Variants in DLG1 observed in about 807,000 individuals in gnomAD.
DLG1 encodes the protein discs large MAGUK scaffold protein 1, also known as disks large homolog 1.
A neutral mutation model predicts 123.4 loss-of-function variants in DLG1; 42 were observed. That is an observed-to-expected ratio of 0.34 (90% CI 0.27 to 0.44). The LOEUF is 0.44. Among genes scored for constraint, DLG1 ranks in the 20% least tolerant of loss-of-function variants. The pLI is 1.00. For missense variants in DLG1, 942 were observed against 1,082.6 expected (o/e 0.87, Z 1.82); for synonymous variants, 317 against 356.2 (o/e 0.89, Z 1.24).
At chr3:197,194,854 A>T (rs1012557239) in intron 4 of DLG1, among the ~76,000 whole-genome samples, 4 of 152,182 alleles carry the variant, frequency 2.6e-5, no homozygotes, top group African/African-American at 9.6e-5. Flanking sequence ...CCCAATGTTA[A>T]CTGAATCATG....
chr3:197,153,002 T>C (rs1380986782), intron 5 of DLG1, among the ~76,000 whole-genome samples: 1 of 152,176 alleles, frequency 6.6e-6, no homozygotes. Flanking sequence ...ACTTTTACAA[T>C]CTGCATTGTA....
intron 22 of DLG1, among the ~76,000 whole-genome samples, chr3:197,060,633 A>C (rs2049005): frequency 2.6e-5 from 4 of 151,984 alleles, no homozygotes; most frequent in Non-Finnish European, 4.4e-5. Context: ...AAAAACTCAT[A>C]AACTAGCATA....
At chr3:197,196,791 A>T (rs1722750781) in intron 4 of DLG1, among the ~76,000 whole-genome samples, 1 of 152,244 alleles carries the variant, frequency 6.6e-6, no homozygotes, top group Non-Finnish European at 1.5e-5. Flanking sequence ...GATGTTTCAA[A>T]GCTACAGATA....
chr3:197,171,819 C>T (rs1392503447), intron 5 of DLG1, among the ~76,000 whole-genome samples: 1 of 152,094 alleles, frequency 6.6e-6, no homozygotes, highest in Admixed American at 6.6e-5. Flanking sequence ...TTACCAAATG[C>T]AATAATGTGC....
At position 197,138,320 on chromosome 3, in the gene DLG1, G is replaced by C; in HGVS notation, c.785C>G (p.Ala262Gly). ...TACAATAGACCCTGCTTCTTTCAAC[G>C]CTTCAACTGCTTTGCTATGTGTTAC... ...RDVTHSKAVEALKEAGSIVRL... is the reference protein window; with the variant it reads ...RDVTHSKAVEGLKEAGSIVRL... The change falls in exon 9 of 25, where the codon GCG becomes GGG. Residue 262 changes from alanine (A) to glycine (G), a missense_variant. By Grantham distance (60) the Ala-to-Gly change is moderately conservative (BLOSUM62 0). Transcript: ENST00000667157. The C allele has an allele frequency of 1.9e-6, 3 of 1,600,686 alleles. No individual in the cohort carries two copies.
chr3:197,105,327 GCA>G (rs1765759961), intron 13 of DLG1, among the ~76,000 whole-genome samples: 2 of 152,166 alleles, frequency 1.3e-5, no homozygotes, highest in African/African-American at 4.8e-5. Context: ...GCATCATTTT[GCA>G]CACTTTATTT....
At chr3:197,262,960 C>A (rs1054910721) in intron 4 of DLG1, among the ~76,000 whole-genome samples, 31 of 152,162 alleles carry the variant, frequency 2.0e-4, no homozygotes, top group African/African-American at 6.5e-4. Context: ...CTGTTGAGTA[C>A]TCCCTTTTCC....
chr3:197,148,930 A>C (rs2149746015), intron 6 of DLG1, among the ~76,000 whole-genome samples: 1 of 152,360 alleles, frequency 6.6e-6, no homozygotes, highest in Middle Eastern at 3.4e-3. Context: ...TGTCACCAGC[A>C]GAATGTACTG....
chr3:197,230,653 G>C (rs1273711041), intron 4 of DLG1, among the ~76,000 whole-genome samples: 2 of 152,080 alleles, frequency 1.3e-5, no homozygotes, highest in Admixed American at 6.6e-5. Flanking sequence ...ACATGTCACT[G>C]TCCCCAATCC....
chr3:197,065,492 A>G (rs1476352462), intron 21 of DLG1, 44 bp from the exon 22 acceptor site: 1 of 1,482,904 alleles, frequency 6.7e-7, no homozygotes, highest in Admixed American at 2.2e-5. Flanking sequence ...TATTAAAAAA[A>G]AAACCACAAT....
intron 17 of DLG1, among the ~76,000 whole-genome samples, chr3:197,079,201 T>C (rs1299347253): frequency 6.6e-6 from 1 of 152,196 alleles, no homozygotes; most frequent in Non-Finnish European, 1.5e-5. Flanking sequence ...AGAGAGACAG[T>C]GTAAGAATTG....
intron 5 of DLG1, among the ~76,000 whole-genome samples, chr3:197,164,861 G>A (rs1800606720): frequency 6.6e-6 from 1 of 151,708 alleles, no homozygotes; most frequent in African/African-American, 2.4e-5. Context: ...GGTGGAAGTT[G>A]CAGTGAGCAG....
chr3:197,161,511 A>G (rs962069397), intron 5 of DLG1: 1 of 520,880 alleles, frequency 1.9e-6, no homozygotes. Context: ...AGTCCCTAAA[A>G]CTACTAACTG....
At chr3:197,220,957 CCAATTCTAACAAG>C (rs1736660162) in intron 4 of DLG1, among the ~76,000 whole-genome samples, 1 of 152,124 alleles carries the variant, frequency 6.6e-6, no homozygotes, top group Admixed American at 6.5e-5. Flanking sequence ...TTATTCTAAT[CCAATTCTAACAAG>C]CAAACTGCTA....
intron 19 of DLG1, among the ~76,000 whole-genome samples, chr3:197,067,836 C>G (rs949802877): frequency 1.3e-5 from 2 of 152,188 alleles, no homozygotes; most frequent in Non-Finnish European, 2.9e-5. Flanking sequence ...GGATTACAGG[C>G]GTGAGCCGCC....
intron 5 of DLG1, among the ~76,000 whole-genome samples, chr3:197,160,198 T>A (rs1425869686): frequency 1.3e-5 from 2 of 152,156 alleles, no homozygotes; most frequent in Non-Finnish European, 2.9e-5. Flanking sequence ...AGTGGGATGC[T>A]AAGTTAGGGT....
chr3:197,082,632 T>C (rs1751864765), intron 16 of DLG1, among the ~76,000 whole-genome samples: 1 of 152,166 alleles, frequency 6.6e-6, no homozygotes, highest in African/African-American at 2.4e-5. Flanking sequence ...TTACAATTCC[T>C]ATGTTATTTT....
chr3:197,238,542 T>C (rs78682737), intron 4 of DLG1, among the ~76,000 whole-genome samples: 6,427 of 152,158 alleles, frequency 0.042, 186 homozygotes, highest in Non-Finnish European at 0.056. Context: ...AGGAAAAAGA[T>C]TTAAGTGAAA....
rs1237970039 is a variant in DLG1, at chr3:197,044,150, G to C, written c.*473C>G. ...TAATGAAACAATTGCTTTGATGATA[G>C]AAGTTGATTGAGAAAAGGACTTGAG... On this transcript the variant is annotated 3_prime_UTR_variant, in exon 25 of 25. Transcript: ENST00000667157. 1.3e-5 allele frequency: 2 copies of C among 152,256 alleles called. No individual in the cohort carries two copies. Among genetic ancestry groups the C allele is most frequent in the Non-Finnish European group, 2.9e-5 (2 of 68,098 alleles). 9.4% of individuals were successfully genotyped at this position (152,256 alleles called of 1,614,324 possible). A position where few individuals can be genotyped will look rare whatever the true frequency, so the allele number is the denominator to read the frequency against.
Sources: gnomAD v4.1 joint callset for allele counts (sites outside exome capture counted in the v4.1 genomes callset) on GRCh38, gnomAD v4.1.1 for gene constraint, MANE v1.5 for transcripts, NCBI Gene and HGNC (gene_info 2026-07-23, HGNC 2026-07-21) for gene names.